Variants in CHMP4C observed in about 807,000 individuals in gnomAD.
CHMP4C encodes the protein charged multivesicular body protein 4C.
A neutral mutation model predicts 29.0 loss-of-function variants in CHMP4C; 28 were observed. The observed-to-expected ratio is 0.97, with a 90% CI of 0.72 to 1.32. The LOEUF is 1.32. CHMP4C is among the 40% of genes most tolerant of loss of function. The pLI, the probability that CHMP4C is intolerant of heterozygous loss-of-function variation, is 0.00. For missense variants in CHMP4C, 291 were observed against 281.0 expected (o/e 1.04, Z -0.25); for synonymous variants, 106 against 102.4 (o/e 1.04, Z -0.21).
chr8:81,756,288 G>C (rs1490103521), intron 3 of CHMP4C, among the ~76,000 whole-genome samples: 2 of 152,150 alleles, frequency 1.3e-5, no homozygotes, highest in African/African-American at 2.4e-5. Context: ...AAAAGCTCAG[G>C]ATGGGTTTCA....
intron 1 of CHMP4C, among the ~76,000 whole-genome samples, chr8:81,743,018 T>G (rs970791087): frequency 1.3e-5 from 2 of 152,040 alleles, no homozygotes; most frequent in Non-Finnish European, 2.9e-5. Flanking sequence ...ACAGTTAACT[T>G]GAGGAGCTAT....
At chr8:81,749,383 T>G (rs1019299253) in intron 1 of CHMP4C, among the ~76,000 whole-genome samples, 3 of 152,192 alleles carry the variant, frequency 2.0e-5, no homozygotes, top group Non-Finnish European at 2.9e-5. Flanking sequence ...TGGCAAATGC[T>G]CCATAAATGT....
intron 1 of CHMP4C, among the ~76,000 whole-genome samples, chr8:81,751,546 G>A (rs1808903706): frequency 6.6e-6 from 1 of 151,720 alleles, no homozygotes; most frequent in Admixed American, 6.6e-5. Flanking sequence ...GTGTCTTAAG[G>A]GTATCCATTA....
At chr8:81,745,807 C>A (rs1808816529) in intron 1 of CHMP4C, among the ~76,000 whole-genome samples, 1 of 152,122 alleles carries the variant, frequency 6.6e-6, no homozygotes, top group Non-Finnish European at 1.5e-5. Flanking sequence ...ACAGTAGATT[C>A]CTTTGTCTTA....
chr8:81,747,581 T>G (rs1808843651), intron 1 of CHMP4C, among the ~76,000 whole-genome samples: 1 of 152,170 alleles, frequency 6.6e-6, no homozygotes, highest in Non-Finnish European at 1.5e-5. Flanking sequence ...ATGTTTCTGT[T>G]ATGATGAGGT....
At chr8:81,750,684 G>A (rs372513247) in intron 1 of CHMP4C, among the ~76,000 whole-genome samples, 5 of 152,048 alleles carry the variant, frequency 3.3e-5, no homozygotes, top group Non-Finnish European at 1.5e-5. Flanking sequence ...AGAGAAAACA[G>A]AATGTTTTCA....
At chr8:81,748,299 G>A (rs112054304) in intron 1 of CHMP4C, among the ~76,000 whole-genome samples, 2,351 of 152,148 alleles carry the variant, frequency 0.015, 61 homozygotes, top group African/African-American at 0.051. Context: ...TGCAGTTAAC[G>A]CAAATATCAC....
chr8:81,753,666 T>C (rs962780517), intron 2 of CHMP4C, among the ~76,000 whole-genome samples: 1 of 152,108 alleles, frequency 6.6e-6, no homozygotes, highest in Admixed American at 6.6e-5. Flanking sequence ...TTTGGGTCCA[T>C]GTGATTCCGA....
chr8:81,755,765 C>T (rs1808964844), intron 3 of CHMP4C, among the ~76,000 whole-genome samples: 1 of 152,054 alleles, frequency 6.6e-6, no homozygotes, highest in South Asian at 2.1e-4. Context: ...CCTAAACAGC[C>T]CCATTACGAG....
At chr8:81,754,597 C>T (rs1808947904) in intron 2 of CHMP4C, among the ~76,000 whole-genome samples, 1 of 152,080 alleles carries the variant, frequency 6.6e-6, no homozygotes, top group Admixed American at 6.6e-5. Flanking sequence ...TATATCCAAT[C>T]AGTTTGGCCT....
chr8:81,736,168 T>G (rs1808688406), intron 1 of CHMP4C, among the ~76,000 whole-genome samples: 1 of 151,780 alleles, frequency 6.6e-6, no homozygotes, highest in Non-Finnish European at 1.5e-5. Flanking sequence ...ACTGGTGAAT[T>G]TTTTTGAGAC....
chr8:81,733,300 T>C (rs1452932703), intron 1 of CHMP4C, among the ~76,000 whole-genome samples: 1 of 152,242 alleles, frequency 6.6e-6, no homozygotes, highest in Non-Finnish European at 1.5e-5. Context: ...TCTTGATTAC[T>C]GAGTGTTTTC....
intron 1 of CHMP4C, among the ~76,000 whole-genome samples, chr8:81,737,720 T>C (rs557217745): frequency 1.3e-5 from 2 of 152,158 alleles, no homozygotes; most frequent in African/African-American, 4.8e-5. Context: ...TTTCCTTATC[T>C]GCATAATGGC....
intron 1 of CHMP4C, 23 bp from the exon 2 acceptor site, chr8:81,753,041 A>C (rs1358583175): frequency 1.3e-6 from 2 of 1,576,238 alleles, no homozygotes; most frequent in Admixed American, 3.7e-5. Flanking sequence ...TTTCCTAATA[A>C]ATGTGGCTTC....
chr8:81,756,520 G>A (rs1247073160), intron 3 of CHMP4C, among the ~76,000 whole-genome samples: 1 of 152,130 alleles, frequency 6.6e-6, no homozygotes, highest in African/African-American at 2.4e-5. Flanking sequence ...TAAAAACTTT[G>A]TGTAAGTCTC....
chr8:81,756,159 C>G (rs1361927404), intron 3 of CHMP4C, among the ~76,000 whole-genome samples: 13 of 152,248 alleles, frequency 8.5e-5, no homozygotes, highest in Non-Finnish European at 1.8e-4. Context: ...GACCTGGTTC[C>G]ATGGAATCCC....
intron 1 of CHMP4C, among the ~76,000 whole-genome samples, chr8:81,735,276 A>T (rs1162723528): frequency 6.6e-6 from 1 of 152,178 alleles, no homozygotes; most frequent in Non-Finnish European, 1.5e-5. Context: ...GAGCTTCTAG[A>T]GTGACTCTGG....
intron 3 of CHMP4C, 99 bp from the exon 4 acceptor site, chr8:81,758,043 C>T (rs879020114): frequency 9.5e-7 from 1 of 1,054,740 alleles, no homozygotes; most frequent in African/African-American, 1.6e-5. Context: ...ACTGGGTTCT[C>T]ACATATCAAT....
At position 81,758,486 on chromosome 8, in the gene CHMP4C, C is replaced by T. The variant is rs1264132220; in HGVS notation, c.644C>T (p.Ser215Phe). 1 of 1,612,478 alleles carries T rather than the reference C, an allele frequency of 6.2e-7. No individual in the cohort carries two copies. Among genetic ancestry groups the T allele is most frequent in the East Asian group, 2.2e-5 (1 of 44,862 alleles). Reference protein sequence around the residue: ...STARRSRAASSQRAEEEDDDI... With the variant: ...STARRSRAASFQRAEEEDDDI... ...TATCTATTTTATGTTCCAGCATCTTCCCAGAGGGCAGAAGAAGAGGATGAT... is the reference window on the plus strand; with the variant it reads ...TATCTATTTTATGTTCCAGCATCTTTCCAGAGGGCAGAAGAAGAGGATGAT... Residue 215 changes from serine to phenylalanine, a missense_variant, in exon 5 of 5, where the codon TCC (serine) becomes TTC (phenylalanine). Transcript: ENST00000297265.
Sources: allele counts gnomAD v4.1 joint callset (sites outside exome capture counted in the v4.1 genomes callset), GRCh38; gene constraint gnomAD v4.1.1; transcripts MANE v1.5; gene names NCBI Gene and HGNC (gene_info 2026-07-23, HGNC 2026-07-21).